Variants in CREB1 observed in about 807,000 individuals in gnomAD.
The protein encoded by CREB1 is cAMP responsive element binding protein 1, also known as cyclic AMP-responsive element-binding protein 1.
Under a neutral mutation model 42.0 loss-of-function variants are expected in CREB1, and 2 were observed. The ratio of observed to expected loss-of-function variants is 0.05; its 90% CI spans 0.02 to 0.15. The LOEUF (loss-of-function observed/expected upper bound fraction) is 0.15. Among genes scored for constraint, CREB1 ranks in the 10% least tolerant of loss-of-function variants. CREB1 has a pLI of 1.00. For missense variants in CREB1, 199 were observed against 388.9 expected, an observed-to-expected ratio of 0.51 and a Z score of 4.11; for synonymous variants, 123 against 139.9, an observed-to-expected ratio of 0.88 and a Z score of 0.85.
chr2:207,565,895 G>A (rs2082123123), intron 3 of CREB1, among the ~76,000 whole-genome samples: 1 of 152,192 alleles, frequency 6.6e-6, no homozygotes, highest in South Asian at 2.1e-4. Flanking sequence ...GAGAAAGTTT[G>A]TGCAGAGACT....
At position 207,597,481 on chromosome 2, in the gene CREB1, A is replaced by G. The variant is rs1014218989; in HGVS notation, c.*423A>G. The G allele has an allele frequency of 3.1e-5, 7 of 224,500 alleles. No homozygotes were observed. The allele number at this position is 224,500 out of a possible 1,614,324, so 13.9% of individuals were successfully genotyped here. A position where few individuals can be genotyped will look rare whatever the true frequency, so the allele number is the denominator to read the frequency against. Reference sequence around the variant, plus strand: ...GAAGTAATGTGTGGGCCGCATGCATAAAGTAAGTAAGGTGCAATGAAGAAG... The same window carrying G: ...GAAGTAATGTGTGGGCCGCATGCATGAAGTAAGTAAGGTGCAATGAAGAAG... On this transcript the variant is annotated 3_prime_UTR_variant, in exon 8 of 8. Transcript: ENST00000353267.
Position 207,555,608 on chromosome 2 carries a change from A to G in CREB1, c.-8-20A>G. On this transcript the variant is annotated intron_variant, in intron 1 of 7. Coordinates refer to ENST00000353267, the MANE Select transcript of CREB1 (RefSeq NM_004379.5). ...CACAAAGCACTGTGGTGCTTGTAAC[A>G]CTCTTCCATATTATTATAGGTAACT... The G allele has an allele frequency of 1.3e-6, 2 of 1,486,662 alleles. No homozygotes were observed. The highest frequency in any genetic ancestry group is 1.1e-5 in the South Asian group (1 of 87,218). The allele number at this position is 1,486,662 out of a possible 1,614,324, so 92.1% of individuals were successfully genotyped here. A position where few individuals can be genotyped will look rare whatever the true frequency, so the allele number is the denominator to read the frequency against.
rs56129159 is a variant in CREB1, at chr2:207,601,729, C to T, written c.*4671C>T. On this transcript the variant is annotated 3_prime_UTR_variant, in exon 8 of 8. Transcript: ENST00000353267. The stretch of plus-strand genomic sequence containing the variant: ...TCATTTTTAATGGCTTTGTTAACAT[C>T]AAAGAAATGCTGCCTAAATTTGATT... 1 of 214,388 alleles carries T rather than the reference C, an allele frequency of 4.7e-6. No individual in the cohort carries two copies. The highest frequency in any genetic ancestry group is 9.4e-6 in the Non-Finnish European group (1 of 106,340). 13.3% of individuals were successfully genotyped at this position (214,388 alleles called of 1,614,324 possible). A position where few individuals can be genotyped will look rare whatever the true frequency, so the allele number is the denominator to read the frequency against.
In CREB1 at chr2:207,577,672, T is replaced by A; in HGVS notation, c.839+17T>A. The A allele has an allele frequency of 1.9e-6, 3 of 1,613,362 alleles. No individual in the cohort carries two copies. Among genetic ancestry groups the A allele is most frequent in the Non-Finnish European group, 2.5e-6 (3 of 1,179,702 alleles). On this transcript the variant is annotated intron_variant, in intron 7 of 7. Transcript: ENST00000353267. ...GAAGAACAGGTACAAATACTGCATT[T>A]ACTTAGATTGTTATGTGTTAAGTGT...
intron 7 of CREB1, among the ~76,000 whole-genome samples, chr2:207,592,094 A>G (rs1163144728): frequency 6.6e-6 from 1 of 152,208 alleles, no homozygotes; most frequent in Non-Finnish European, 1.5e-5. Flanking sequence ...TATTTGAAAG[A>G]TATTTTTGCT....
intron 1 of CREB1, among the ~76,000 whole-genome samples, chr2:207,548,138 G>A (rs1343706775): frequency 6.6e-6 from 1 of 151,922 alleles, no homozygotes; most frequent in Admixed American, 6.6e-5. Context: ...TCACAATGTT[G>A]GCCAGGCAGA....
intron 1 of CREB1, among the ~76,000 whole-genome samples, chr2:207,534,072 G>C (rs2080765017): frequency 6.6e-6 from 1 of 152,066 alleles, no homozygotes; most frequent in East Asian, 1.9e-4. Context: ...CCTACCTGTG[G>C]GCCCTTAGGC....
intron 1 of CREB1, among the ~76,000 whole-genome samples, chr2:207,549,862 C>T (rs532432686): frequency 2.8e-4 from 43 of 151,762 alleles, no homozygotes; most frequent in Middle Eastern, 6.8e-3. Flanking sequence ...CCCAGCTACT[C>T]GGGAGGCTGA....
intron 3 of CREB1, 118 bp downstream of exon 3, chr2:207,560,490 T>A: frequency 1.1e-6 from 1 of 926,338 alleles, no homozygotes; most frequent in Non-Finnish European, 1.6e-6. Context: ...TTATTCACAG[T>A]ATAGGAATAT....
intron 1 of CREB1, among the ~76,000 whole-genome samples, chr2:207,546,968 A>G (rs376842907): frequency 6.6e-6 from 1 of 152,220 alleles, no homozygotes; most frequent in African/African-American, 2.4e-5. Context: ...ATTCCCAAAT[A>G]TTACAGAGAA....
rs920978833 is a variant in CREB1 at position 207,596,435 on chromosome 2, TTTTG to T, written c.840-471_840-468del. ...GTCTTGTTTGTTTATGGAGTTGTTT[TTTTG>T]TTTGTTTCTTTGAGACGGAGTCTCA... On this transcript the variant is annotated intron_variant, in intron 7 of 7. Transcript: ENST00000353267. Among the ~76,000 whole-genome samples, 15 of 152,248 alleles carry T rather than the reference TTTTG, an allele frequency of 9.9e-5. 1 individual carries two copies. Among genetic ancestry groups the T allele is most frequent in the Non-Finnish European group, 1.5e-5 (1 of 68,046 alleles).
At chr2:207,588,044 T>C (rs940819140) in intron 7 of CREB1, among the ~76,000 whole-genome samples, 15 of 152,242 alleles carry the variant, frequency 9.9e-5, no homozygotes, top group African/African-American at 3.6e-4. Flanking sequence ...TATTAGAATA[T>C]TACTGCATCT....
chr2:207,572,644 G>A (rs190019063), intron 5 of CREB1, among the ~76,000 whole-genome samples: 57 of 151,980 alleles, frequency 3.8e-4, no homozygotes, highest in East Asian at 1.5e-3. Context: ...GTGAAAACCC[G>A]TCTCTACTAA....
intron 5 of CREB1, among the ~76,000 whole-genome samples, chr2:207,570,907 C>G (rs1391301147): frequency 6.6e-6 from 1 of 151,830 alleles, no homozygotes; most frequent in East Asian, 1.9e-4. Flanking sequence ...ATGTCTCTGT[C>G]TGGCACTTAG....
rs67662272 is a variant in CREB1 at position 207,567,386 on chromosome 2, AC to A, written c.262-76del. 6,781 of 1,019,280 alleles carry A rather than the reference AC, an allele frequency of 6.7e-3. 62 individuals carry two copies. The highest frequency in any genetic ancestry group is 0.029 in the African/African-American group (1,800 of 61,532). The allele number at this position is 1,019,280 out of a possible 1,614,324, so 63.1% of individuals were successfully genotyped here. ...GAAGCATGTATAAAGTTTATATATGACTTTTTATATTTGTTTAATAAAAATT... is the reference window on the plus strand; with the variant it reads ...GAAGCATGTATAAAGTTTATATATGATTTTTATATTTGTTTAATAAAAATT... On this transcript the variant is annotated intron_variant, in intron 3 of 7. Transcript: ENST00000353267.
chr2:207,586,205 A>G (rs1437640418), intron 7 of CREB1, among the ~76,000 whole-genome samples: 2 of 152,232 alleles, frequency 1.3e-5, no homozygotes, highest in Non-Finnish European at 1.5e-5. Context: ...CTACAAAGCT[A>G]TAGTAACCAA....
chr2:207,602,660 T>G lies in CREB1; in HGVS notation c.*5602T>G, dbSNP rs1410157290. 2 of 210,586 alleles carry G rather than the reference T, an allele frequency of 9.5e-6. No homozygotes were observed. Among genetic ancestry groups the G allele is most frequent in the Non-Finnish European group, 1.9e-5 (2 of 103,684 alleles). 13.0% of individuals were successfully genotyped at this position (210,586 alleles called of 1,614,324 possible). A position where few individuals can be genotyped will look rare whatever the true frequency, so the allele number is the denominator to read the frequency against. ...GATCTATCATTGTGTTTGGGAGGTT[T>G]TATTTTCTTATGTTTTTAAAATTGG... is the stretch of plus-strand genomic sequence containing the variant. On this transcript the variant is annotated 3_prime_UTR_variant, in exon 8 of 8. Transcript: ENST00000353267.
At chr2:207,568,372 T>C (rs1399189661) in intron 4 of CREB1, among the ~76,000 whole-genome samples, 1 of 152,164 alleles carries the variant, frequency 6.6e-6, no homozygotes, top group Non-Finnish European at 1.5e-5. Flanking sequence ...TTATGTTATA[T>C]GTATTTATAT....
At chr2:207,569,269 T>C (rs933718832) in intron 4 of CREB1, among the ~76,000 whole-genome samples, 5 of 152,194 alleles carry the variant, frequency 3.3e-5, no homozygotes, top group Admixed American at 6.5e-5. Context: ...TATTTTAATA[T>C]TGTTGGAATT....
Sources: allele counts gnomAD v4.1 joint callset (sites outside exome capture counted in the v4.1 genomes callset), GRCh38; gene constraint gnomAD v4.1.1; transcripts MANE v1.5; gene names NCBI Gene and HGNC (gene_info 2026-07-23, HGNC 2026-07-21).